The following CACNB2 variants were observed in gnomAD, a reference collection of about 807,000 sequenced individuals.
CACNB2 encodes voltage-dependent L-type calcium channel subunit beta-2.
In CACNB2, 42 loss-of-function variants were observed where a neutral mutation model predicts 73.3. That is an observed-to-expected ratio of 0.57 (90% CI 0.45 to 0.74). The LOEUF is 0.74. Among genes scored for constraint, CACNB2 ranks in the 30% least tolerant of loss-of-function variants. The pLI is 0.00. For missense variants in CACNB2, 940 were observed against 853.0 expected (o/e 1.10, Z -1.27); for synonymous variants, 348 against 310.3 (o/e 1.12, Z -1.28).
chr10:18,233,967 T>C (rs1056725301), intron 2 of CACNB2, among the ~76,000 whole-genome samples: 2 of 152,224 alleles, frequency 1.3e-5, no homozygotes, highest in Non-Finnish European at 2.9e-5. Flanking sequence ...CGTCCCCTAC[T>C]GTTGCAAACC....
At chr10:18,335,238 T>C (rs2040955460) in intron 2 of CACNB2, among the ~76,000 whole-genome samples, 1 of 152,202 alleles carries the variant, frequency 6.6e-6, no homozygotes, top group Non-Finnish European at 1.5e-5. Flanking sequence ...CTTGGATTTC[T>C]TATTTCTTCT....
At chr10:18,232,519 G>C (rs2036261248) in intron 2 of CACNB2, among the ~76,000 whole-genome samples, 1 of 152,184 alleles carries the variant, frequency 6.6e-6, no homozygotes, top group African/African-American at 2.4e-5. Context: ...AATACAGTGA[G>C]AAAGTTGATT....
rs1589445649 is a variant in CACNB2 at position 18,468,649 on chromosome 10, G to A, written c.334-29706G>A. ...AGTTTTACTCCTGTTACCCAGGCTAGAGGGTAGTGGCACAATCTCAGCTCA... is the reference window on the plus strand; with the variant it reads ...AGTTTTACTCCTGTTACCCAGGCTAAAGGGTAGTGGCACAATCTCAGCTCA... On this transcript the variant is annotated intron_variant, in intron 3 of 13. Transcript: ENST00000324631. 2.6e-5 allele frequency among the ~76,000 whole-genome samples: 4 copies of A among 152,146 alleles called. No homozygotes were observed. The South Asian group carries it at 8.3e-4, about 32-fold the overall frequency.
At chr10:18,474,920 C>G (rs889210030) in intron 3 of CACNB2, among the ~76,000 whole-genome samples, 1 of 151,720 alleles carries the variant, frequency 6.6e-6, no homozygotes. Context: ...CTTCAGATGC[C>G]AGTCGCACAA....
Position 18,400,501 on chromosome 10 carries a change from C to T in CACNB2, c.214-1423C>T, listed in dbSNP as rs865786143. The T allele has an allele frequency of 5.8e-5, 46 of 797,316 alleles. No homozygotes were observed. The African/African-American group carries it at 7.5e-4, about 13-fold the overall frequency. The allele number at this position is 797,316 out of a possible 1,614,324, so 49.4% of individuals were successfully genotyped here. On this transcript the variant is annotated intron_variant, in intron 2 of 13. Transcript: ENST00000324631. ...ACTAACAGTGTGATGTGAGCATCTG[C>T]GTAAAAAGGCGACATATGGAGCATG...
In CACNB2 at chr10:18,359,761, A is replaced by AC. The variant is rs111965393; in HGVS notation, c.214-42157dup. Reference sequence around the variant, plus strand: ...AATGCTGTCCCTCCTCTAGCCCCCCACCCCCCAGCAGTCCCCAGTGTGAGA... The same window carrying AC: ...AATGCTGTCCCTCCTCTAGCCCCCCACCCCCCCAGCAGTCCCCAGTGTGAGA... On this transcript the variant is annotated intron_variant, in intron 2 of 13. Transcript: ENST00000324631. 1.9e-4 allele frequency among the ~76,000 whole-genome samples: 27 copies of AC among 140,526 alleles called. 1 individual carries two copies. The highest frequency in any genetic ancestry group is 6.7e-4 in the African/African-American group (25 of 37,392). 92.2% of individuals were successfully genotyped at this position (140,526 alleles called of 152,430 possible).
At chr10:18,415,434 C>T (rs1482020525) in intron 3 of CACNB2, among the ~76,000 whole-genome samples, 1 of 151,028 alleles carries the variant, frequency 6.6e-6, no homozygotes, top group East Asian at 1.9e-4. Context: ...CCAATATACT[C>T]CAGCCTGCAT....
At chr10:18,461,866 G>A (rs1251346986) in intron 3 of CACNB2, among the ~76,000 whole-genome samples, 1 of 133,480 alleles carries the variant, frequency 7.5e-6, no homozygotes, top group African/African-American at 2.9e-5. Flanking sequence ...TCTATCCTTT[G>A]GCACTCGAGG....
At chr10:18,384,649 G>C (rs781351870) in intron 2 of CACNB2, among the ~76,000 whole-genome samples, 2 of 152,032 alleles carry the variant, frequency 1.3e-5, no homozygotes, top group East Asian at 3.9e-4. Context: ...AGGATCACTT[G>C]AGCCTGGAAG....
chr10:18,265,338 G>C (rs1479348452), intron 2 of CACNB2, among the ~76,000 whole-genome samples: 1 of 151,874 alleles, frequency 6.6e-6, no homozygotes, highest in African/African-American at 2.4e-5. Flanking sequence ...TCACCATATT[G>C]GCCAGGCTGG....
Position 18,289,481 on chromosome 10 carries a change from A to G in CACNB2, c.214-112443A>G, listed in dbSNP as rs185183241. On this transcript the variant is annotated intron_variant, in intron 2 of 13. Coordinates refer to ENST00000324631, the MANE Select transcript of CACNB2 (RefSeq NM_201596.3). ...AGCTAATTTTTTGTATTTTTAGTAG[A>G]GATGGAGTTTCACCCAGTTAGCCAG... 7.2e-5 allele frequency among the ~76,000 whole-genome samples: 11 copies of G among 151,818 alleles called. No individual in the cohort carries two copies. In the East Asian group the frequency reaches 1.4e-3, roughly 19 times the overall value.
chr10:18,156,799 C>G (rs2032073437), intron 2 of CACNB2, among the ~76,000 whole-genome samples: 2 of 151,466 alleles, frequency 1.3e-5, no homozygotes, highest in African/African-American at 2.4e-5. Context: ...GAGGCTGAAG[C>G]AGGAGGGTCA....
rs116623677 is a variant in CACNB2, at chr10:18,412,218, T to C, written c.333+10175T>C. On this transcript the variant is annotated intron_variant, in intron 3 of 13. Transcript: ENST00000324631. ...TATGTCATGTTTGCTAATGTCCCAT[T>C]GGCCAAAGCAAGTCACCGGCCTAAG... 9.1e-3 allele frequency among the ~76,000 whole-genome samples: 1,390 copies of C among 152,346 alleles called. 29 individuals carry two copies. Among genetic ancestry groups the C allele is most frequent in the African/African-American group, 0.032 (1,317 of 41,574 alleles).
intron 2 of CACNB2, among the ~76,000 whole-genome samples, chr10:18,290,737 G>C (rs148389888): frequency 6.6e-6 from 1 of 152,184 alleles, no homozygotes; most frequent in Non-Finnish European, 1.5e-5. Flanking sequence ...AGGACAACAG[G>C]CTTTCTAATC....
chr10:18,340,853 A>G, intron 2 of CACNB2: 2 of 1,613,834 alleles, frequency 1.2e-6, no homozygotes, highest in South Asian at 2.2e-5. Context: ...GCTGCCTTTT[A>G]GCTAGTCCTG....
At chr10:18,518,801 C>G in intron 8 of CACNB2, 109 bp from the exon 9 acceptor site, 1 of 1,001,962 alleles carries the variant, frequency 1.0e-6, no homozygotes, top group Non-Finnish European at 1.6e-6. Flanking sequence ...CCACTCTTTC[C>G]AGATGCAAAG....
chr10:18,201,258 A>G (rs1253504984), intron 2 of CACNB2, among the ~76,000 whole-genome samples: 2 of 150,642 alleles, frequency 1.3e-5, no homozygotes. Flanking sequence ...TACCTGCCTT[A>G]TAATAGGGTC....
intron 2 of CACNB2, among the ~76,000 whole-genome samples, chr10:18,154,940 A>C (rs1411243073): frequency 1.3e-5 from 2 of 152,246 alleles, no homozygotes; most frequent in East Asian, 3.8e-4. Flanking sequence ...AAACTGCGAG[A>C]AAATTAATTA....
At chr10:18,152,776 G>A (rs1218465886) in intron 2 of CACNB2, among the ~76,000 whole-genome samples, 1 of 140,322 alleles carries the variant, frequency 7.1e-6, no homozygotes, top group Non-Finnish European at 1.5e-5. Flanking sequence ...AGTAGCTGCA[G>A]TAAAGCAACA....
Sources: allele counts gnomAD v4.1 joint callset (sites outside exome capture counted in the v4.1 genomes callset), GRCh38; gene constraint gnomAD v4.1.1; transcripts MANE v1.5; gene names NCBI Gene and HGNC (gene_info 2026-07-23, HGNC 2026-07-21).